Variants in GPI observed in about 807,000 individuals in gnomAD.
GPI encodes the protein D-hexose-6-phosphate anomerase.
A neutral mutation model predicts 75.8 loss-of-function variants in GPI; 56 were observed. That is an observed-to-expected ratio of 0.74 (90% CI 0.60 to 0.92). GPI has a LOEUF of 0.92. Ranked by LOEUF, GPI falls within the 40% of genes least tolerant of loss-of-function variation. The pLI, the probability that GPI is intolerant of heterozygous loss-of-function variation, is 0.00. For synonymous variants in GPI, 288 were observed against 285.4 expected, an observed-to-expected ratio of 1.01 and a Z score of -0.09; for missense variants, 638 against 741.0, an observed-to-expected ratio of 0.86 and a Z score of 1.61.
chr19:34,381,595 T>G, intron 9 of GPI, 76 bp downstream of exon 9: 1 of 987,152 alleles, frequency 1.0e-6, no homozygotes, highest in Non-Finnish European at 1.6e-6. Flanking sequence ...GCCCATGAGG[T>G]CAGGTCAGTG....
intron 9 of GPI, among the ~76,000 whole-genome samples, chr19:34,388,041 GTA>G (rs2074764459): frequency 6.6e-6 from 1 of 152,174 alleles, no homozygotes; most frequent in South Asian, 2.1e-4. Flanking sequence ...GCTGGGACAG[GTA>G]TCTGTTCTCA....
At position 34,400,787 on chromosome 19, in the gene GPI, C is replaced by G. The variant is rs183058794; in HGVS notation, c.*751C>G. 2 of 385,000 alleles carry G rather than the reference C, an allele frequency of 5.2e-6. No individual in the cohort carries two copies. Among genetic ancestry groups the G allele is most frequent in the East Asian group, 3.7e-5 (1 of 27,102 alleles). The allele number at this position is 385,000 out of a possible 1,614,324, so 23.8% of individuals were successfully genotyped here. ...TCACCCAGACTGGAGTGCAGTGGTG[C>G]AATCTCGGCTCACTGCAACCTCCGC... On this transcript the variant is annotated 3_prime_UTR_variant, in exon 18 of 18. Transcript: ENST00000356487.
chr19:34,382,235 A>C (rs2074665740), intron 9 of GPI, among the ~76,000 whole-genome samples: 1 of 152,186 alleles, frequency 6.6e-6, no homozygotes, highest in African/African-American at 2.4e-5. Flanking sequence ...CAGGGCTCTA[A>C]CGCTGTGGCA....
At chr19:34,370,354 T>C (rs984258081) in intron 4 of GPI, among the ~76,000 whole-genome samples, 1 of 152,182 alleles carries the variant, frequency 6.6e-6, no homozygotes, top group Non-Finnish European at 1.5e-5. Flanking sequence ...CATTTGCTGC[T>C]TGTCCTAGGA....
In GPI at chr19:34,393,846, C is replaced by A; in HGVS notation, c.910-68C>A. 6.2e-7 allele frequency: 1 copy of A among 1,603,454 alleles called. No individual in the cohort carries two copies. ...GTTGGTCCTGGTCCCCCGCTTTCTCCCCCACTGTCCTGTCCCTCCCCTCCC... is the reference window on the plus strand; with the variant it reads ...GTTGGTCCTGGTCCCCCGCTTTCTCACCCACTGTCCTGTCCCTCCCCTCCC... On this transcript the variant is annotated intron_variant, in intron 11 of 17. Transcript: ENST00000356487. This position sits in a 1 kb window ranked among gnomAD's most constrained non-coding sequence, Gnocchi z 4.4.
rs762852092 is a variant in GPI, at chr19:34,401,027, AT to A, written c.*1007del. 4,236 of 101,110 alleles carry A rather than the reference AT, an allele frequency of 0.042. 156 individuals carry two copies. The highest frequency in any genetic ancestry group is 0.12 in the African/African-American group (3,492 of 28,118). 6.3% of individuals were successfully genotyped at this position (101,110 alleles called of 1,614,324 possible). A position where few individuals can be genotyped will look rare whatever the true frequency, so the allele number is the denominator to read the frequency against. ...AGGTATGAGCCACCACGCCCGGCCC[AT>A]TTTTTTTTTTTTTTTGACAACTTTT... On this transcript the variant is annotated 3_prime_UTR_variant, in exon 18 of 18. Transcript: ENST00000356487.
intron 1 of GPI, chr19:34,365,744 A>G: frequency 2.0e-6 from 1 of 493,090 alleles, no homozygotes; most frequent in Non-Finnish European, 4.0e-6. Context: ...CAAGCGGGAA[A>G]GGGCTGTCCC....
intron 1 of GPI, 59 bp downstream of exon 1, chr19:34,365,447 G>C: frequency 6.6e-7 from 1 of 1,517,744 alleles, no homozygotes; most frequent in Non-Finnish European, 8.8e-7. Context: ...GGGCACGCGG[G>C]CCTGGGGTCT....
chr19:34,370,666 A>T (rs774089144), intron 4 of GPI, among the ~76,000 whole-genome samples: 1 of 152,004 alleles, frequency 6.6e-6, no homozygotes, highest in Admixed American at 6.6e-5. Flanking sequence ...CAGAGGTTGC[A>T]GTGAGCCAAG....
intron 12 of GPI, among the ~76,000 whole-genome samples, chr19:34,395,873 G>A (rs1240015727): frequency 6.6e-6 from 1 of 152,008 alleles, no homozygotes; most frequent in Non-Finnish European, 1.5e-5. Context: ...AGTGTGTGAA[G>A]GATCAAGACT....
At chr19:34,386,369 C>G (rs1406841937) in intron 9 of GPI, among the ~76,000 whole-genome samples, 1 of 147,618 alleles carries the variant, frequency 6.8e-6, no homozygotes, top group Admixed American at 6.7e-5. Context: ...CAGGTGTGGT[C>G]TGAGAACCCA....
chr19:34,396,688 G>T (rs377397196), intron 14 of GPI, 31 bp downstream of exon 14: 6 of 1,587,492 alleles, frequency 3.8e-6, no homozygotes, highest in Middle Eastern at 3.3e-4. Flanking sequence ...CCATCTGGGG[G>T]GTCTGGCTCA....
chr19:34,386,991 G>C (rs2074745346), intron 9 of GPI, among the ~76,000 whole-genome samples: 1 of 152,214 alleles, frequency 6.6e-6, no homozygotes, highest in African/African-American at 2.4e-5. Context: ...ATCTGTCTGT[G>C]AGACATGAAA....
intron 12 of GPI, among the ~76,000 whole-genome samples, chr19:34,394,462 G>C (rs527519973): frequency 7.2e-6 from 1 of 138,478 alleles, no homozygotes; most frequent in Non-Finnish European, 1.6e-5. Flanking sequence ...GAAGGATCTG[G>C]TACAGGTATG....
Position 34,402,406 on chromosome 19 carries a change from G to A in GPI, c.*2370G>A, listed in dbSNP as rs1314948332. Reference sequence around the variant, plus strand: ...TTTGCTTCAATAAATCTGTGCTTTTGTTCCTTCTTTTGTTGCTTTGTGTGT... The same window carrying A: ...TTTGCTTCAATAAATCTGTGCTTTTATTCCTTCTTTTGTTGCTTTGTGTGT... On this transcript the variant is annotated 3_prime_UTR_variant, in exon 18 of 18. Transcript: ENST00000356487. The A allele has an allele frequency of 6.6e-6, 1 of 152,214 alleles. No homozygotes were observed. The highest frequency in any genetic ancestry group is 2.1e-4 in the South Asian group (1 of 4,832). 9.4% of individuals were successfully genotyped at this position (152,214 alleles called of 1,614,324 possible).
chr19:34,388,315 A>G (rs2074768996), intron 9 of GPI, among the ~76,000 whole-genome samples: 1 of 152,168 alleles, frequency 6.6e-6, no homozygotes, highest in Non-Finnish European at 1.5e-5. Context: ...CATCTCCTAA[A>G]AATACAAAAA....
chr19:34,400,964 G>C lies in GPI; in HGVS notation c.*928G>C, dbSNP rs2075013290. The C allele has an allele frequency of 9.6e-6, 2 of 207,730 alleles. No individual in the cohort carries two copies. Among genetic ancestry groups the C allele is most frequent in the East Asian group, 2.0e-4 (2 of 10,208 alleles). The allele number at this position is 207,730 out of a possible 1,614,324, so 12.9% of individuals were successfully genotyped here. A position where few individuals can be genotyped will look rare whatever the true frequency, so the allele number is the denominator to read the frequency against. ...TGGTCTTGAACTCCTGACCTCAGGT[G>C]ATCTGCCCGCCTCAGCCTCCCACAG... On this transcript the variant is annotated 3_prime_UTR_variant, in exon 18 of 18. Transcript: ENST00000356487.
At position 34,397,134 on chromosome 19, in the gene GPI, A is replaced by T. The variant is rs985913997; in HGVS notation, c.1269+477A>T. The T allele has an allele frequency of 2.2e-5, 5 of 226,952 alleles. No individual in the cohort carries two copies. In the East Asian group the frequency reaches 4.2e-4, roughly 19 times the overall value. The allele number at this position is 226,952 out of a possible 1,614,324, so 14.1% of individuals were successfully genotyped here. A position where few individuals can be genotyped will look rare whatever the true frequency, so the allele number is the denominator to read the frequency against. ...CTATCTGAAGAGTTTCTGAAGCTCA[A>T]ATATCCAGCAGGCCCTGATGTGTCT... On this transcript the variant is annotated intron_variant, in intron 14 of 17. Transcript: ENST00000356487.
chr19:34,371,322 A>G (rs1279571146), intron 4 of GPI, among the ~76,000 whole-genome samples: 1 of 152,206 alleles, frequency 6.6e-6, no homozygotes, highest in Non-Finnish European at 1.5e-5. Context: ...CCTTGATTGT[A>G]GTGGCAAAAC....
Sources: gnomAD v4.1 joint callset for allele counts (sites outside exome capture counted in the v4.1 genomes callset) on GRCh38, gnomAD v4.1.1 for gene constraint, Gnocchi (gnomAD v3.1) non-coding constraint, MANE v1.5 for transcripts, NCBI Gene and HGNC (gene_info 2026-07-23, HGNC 2026-07-21) for gene names.